OSBPL10: variants seen among roughly 807,000 people sequenced by gnomAD.
OSBPL10 encodes the protein oxysterol binding protein like 10.
Under a neutral mutation model 81.7 loss-of-function variants are expected in OSBPL10, and 49 were observed. The ratio of observed to expected loss-of-function variants is 0.60; its 90% CI spans 0.48 to 0.76. OSBPL10 has a LOEUF of 0.76. Ranked by LOEUF, OSBPL10 falls within the 30% of genes least tolerant of loss-of-function variation. The pLI, the probability that OSBPL10 is intolerant of heterozygous loss-of-function variation, is 0.00. For synonymous variants in OSBPL10, 419 were observed against 383.6 expected, an observed-to-expected ratio of 1.09 and a Z score of -1.08; for missense variants, 923 against 987.8, an observed-to-expected ratio of 0.93 and a Z score of 0.88.
intron 4 of OSBPL10, among the ~76,000 whole-genome samples, chr3:31,764,009 C>T (rs1306135834): frequency 6.6e-6 from 1 of 152,198 alleles, no homozygotes; most frequent in African/African-American, 2.4e-5. Flanking sequence ...GAACACAATT[C>T]CTGCACACGA....
chr3:31,860,815 G>A (rs1439401913), intron 3 of OSBPL10, among the ~76,000 whole-genome samples: 3 of 150,836 alleles, frequency 2.0e-5, no homozygotes, highest in Non-Finnish European at 4.4e-5. Flanking sequence ...AGCTACAGGT[G>A]CCCACCACCA....
intron 3 of OSBPL10, among the ~76,000 whole-genome samples, chr3:31,870,770 T>A (rs1455938518): frequency 6.6e-6 from 1 of 152,136 alleles, no homozygotes; most frequent in African/African-American, 2.4e-5. Flanking sequence ...AGAACCTTTA[T>A]GTCTAGCTCA....
chr3:31,800,986 A>T (rs1371766522), intron 4 of OSBPL10, among the ~76,000 whole-genome samples: 3 of 144,924 alleles, frequency 2.1e-5, no homozygotes, highest in Non-Finnish European at 4.6e-5. Flanking sequence ...GACCAAAAAA[A>T]GTTAACCTTT....
intron 4 of OSBPL10, among the ~76,000 whole-genome samples, chr3:31,815,068 G>A (rs1296086596): frequency 1.5e-5 from 2 of 130,480 alleles, no homozygotes; most frequent in Non-Finnish European, 3.5e-5. Flanking sequence ...AGTCCTGCAT[G>A]ACTCTGTAAG....
chr3:32,046,856 C>T (rs959200798), intron 1 of OSBPL10, among the ~76,000 whole-genome samples: 39 of 152,166 alleles, frequency 2.6e-4, no homozygotes, highest in South Asian at 1.2e-3. Context: ...TTAAAACAGA[C>T]AACTACTAAG....
intron 7 of OSBPL10, among the ~76,000 whole-genome samples, chr3:31,688,442 C>T (rs1403091313): frequency 6.6e-6 from 1 of 152,058 alleles, no homozygotes; most frequent in African/African-American, 2.4e-5. Context: ...AAAGCAACAA[C>T]CCCTCTCTCC....
At chr3:31,706,658 T>A (rs920014253) in intron 6 of OSBPL10, among the ~76,000 whole-genome samples, 1 of 152,182 alleles carries the variant, frequency 6.6e-6, no homozygotes, top group Non-Finnish European at 1.5e-5. Flanking sequence ...GGAACATCAA[T>A]GTGGGAGAAA....
chr3:31,962,742 A>G (rs1575063441), intron 1 of OSBPL10, among the ~76,000 whole-genome samples: 2 of 152,344 alleles, frequency 1.3e-5, no homozygotes, highest in Admixed American at 1.3e-4. Flanking sequence ...GAGCACATAA[A>G]GTCTTGTCTA....
intron 7 of OSBPL10, among the ~76,000 whole-genome samples, chr3:31,694,661 C>A (rs1695661067): frequency 6.7e-6 from 1 of 149,278 alleles, no homozygotes; most frequent in Non-Finnish European, 1.5e-5. Context: ...AAGGTCATTT[C>A]TTTCTTTGAT....
chr3:31,790,074 G>T (rs1012481351), intron 4 of OSBPL10, among the ~76,000 whole-genome samples: 4 of 151,888 alleles, frequency 2.6e-5, no homozygotes, highest in Non-Finnish European at 5.9e-5. Context: ...TAGCTAACTG[G>T]AAGTCAGTGA....
upstream of OSBPL10, among the ~76,000 whole-genome samples, chr3:31,983,715 C>G (rs1698895023): frequency 6.6e-6 from 1 of 152,202 alleles, no homozygotes; most frequent in Admixed American, 6.5e-5. Context: ...CAAGTCACTT[C>G]TTCCAGAAAG....
intron 3 of OSBPL10, among the ~76,000 whole-genome samples, chr3:31,875,872 A>G (rs1701458486): frequency 6.6e-6 from 1 of 152,172 alleles, no homozygotes; most frequent in African/African-American, 2.4e-5. Flanking sequence ...TATTTTAATG[A>G]ATGTAAATCC....
Position 31,977,838 on chromosome 3 carries a change from C to T in OSBPL10, c.281+3061G>A, listed in dbSNP as rs190871016. On this transcript the variant is annotated intron_variant, in intron 1 of 11. Transcript: ENST00000396556. ...TCTATAATAATGAATGACAGAAAGC[C>T]CTTAATGCATGTTTTCCCCATACTC... 2.6e-5 allele frequency among the ~76,000 whole-genome samples: 4 copies of T among 152,164 alleles called. No individual in the cohort carries two copies. In the East Asian group the frequency reaches 7.7e-4, roughly 29 times the overall value.
intron 7 of OSBPL10, among the ~76,000 whole-genome samples, chr3:31,698,746 T>A (rs1695804576): frequency 6.6e-6 from 1 of 152,164 alleles, no homozygotes; most frequent in Non-Finnish European, 1.5e-5. Context: ...CATGGCTGGC[T>A]CCCTCATTTA....
At chr3:31,970,884 T>C (rs1480400965) in intron 1 of OSBPL10, among the ~76,000 whole-genome samples, 1 of 152,214 alleles carries the variant, frequency 6.6e-6, no homozygotes, top group Non-Finnish European at 1.5e-5. Context: ...ATACTAAACC[T>C]ATCTCCTTTC....
intron 2 of OSBPL10, chr3:31,989,964 T>C (rs1159200827): frequency 1.9e-6 from 3 of 1,614,144 alleles, no homozygotes; most frequent in South Asian, 1.1e-5. Flanking sequence ...GCAAGGTTTT[T>C]AATCAACAAT....
intron 2 of OSBPL10, among the ~76,000 whole-genome samples, chr3:32,013,513 C>A (rs1287218020): frequency 6.6e-6 from 1 of 151,800 alleles, no homozygotes; most frequent in African/African-American, 2.4e-5. Flanking sequence ...AAATTGACAC[C>A]CTAACATCAC....
chr3:31,666,949 T>C (rs940232982), intron 10 of OSBPL10, among the ~76,000 whole-genome samples: 1 of 152,084 alleles, frequency 6.6e-6, no homozygotes, highest in Non-Finnish European at 1.5e-5. Context: ...TTCAGTAAAA[T>C]CCACATAAAC....
At chr3:31,703,611 C>T (rs1206081732) in intron 6 of OSBPL10, 3 of 152,240 alleles carry the variant, frequency 2.0e-5, no homozygotes, top group Admixed American at 6.5e-5. Flanking sequence ...TCTGGCCTTA[C>T]ATACCCACAC....
Sources: gnomAD v4.1 joint callset for allele counts (sites outside exome capture counted in the v4.1 genomes callset) on GRCh38, gnomAD v4.1.1 for gene constraint, MANE v1.5 for transcripts, NCBI Gene and HGNC (gene_info 2026-07-23, HGNC 2026-07-21) for gene names.